The following SLA variants were observed in gnomAD, a reference collection of about 807,000 sequenced individuals.
SLA encodes src-like-adapter.
In SLA, 16 loss-of-function variants were observed where a neutral mutation model predicts 30.3. That is an observed-to-expected ratio of 0.53 (90% CI 0.36 to 0.80). SLA has a LOEUF of 0.80. Among genes scored for constraint, SLA ranks in the 30% least tolerant of loss-of-function variants. The pLI is 0.01. For missense variants in SLA, 310 were observed against 345.2 expected (o/e 0.90, Z 0.81); for synonymous variants, 143 against 137.8 (o/e 1.04, Z -0.26).
At chr8:133,099,027 C>A (rs1848852482) in intron 1 of SLA, among the ~76,000 whole-genome samples, 1 of 152,208 alleles carries the variant, frequency 6.6e-6, no homozygotes, top group South Asian at 2.1e-4. Context: ...CATTGAGCTT[C>A]CCTCTAAGGT....
chr8:133,057,022 A>G (rs1303647886), intron 3 of SLA, among the ~76,000 whole-genome samples: 2 of 152,124 alleles, frequency 1.3e-5, no homozygotes, highest in Non-Finnish European at 2.9e-5. Flanking sequence ...TGCGAAGACC[A>G]CTTACTGAGA....
intron 7 of SLA, among the ~76,000 whole-genome samples, chr8:133,044,419 T>G (rs115928087): frequency 0.01 from 1,535 of 152,262 alleles, 28 homozygotes; most frequent in African/African-American, 0.035. Flanking sequence ...ATGAATTAAA[T>G]GTAATTCTTA....
At chr8:133,052,597 C>T (rs564189549) in intron 3 of SLA, among the ~76,000 whole-genome samples, 1 of 152,330 alleles carries the variant, frequency 6.6e-6, no homozygotes, top group Admixed American at 6.5e-5. Context: ...AGCTTTGACT[C>T]CACCCCAGTA....
chr8:133,066,325 C>CAAAA (rs11395047), intron 2 of SLA, among the ~76,000 whole-genome samples: 18 of 87,000 alleles, frequency 2.1e-4, no homozygotes, highest in Non-Finnish European at 2.5e-4. Context: ...GACTCTGTCT[C>CAAAA]AAAAAAAAAA....
intron 7 of SLA, 152 bp from the exon 8 acceptor site, chr8:133,040,282 A>C: frequency 2.5e-6 from 2 of 800,232 alleles, no homozygotes; most frequent in Non-Finnish European, 3.9e-6. Flanking sequence ...GGTGGTGACA[A>C]TGCTGAAAGT....
chr8:133,094,653 A>G (rs1028380586), intron 1 of SLA: 1 of 323,006 alleles, frequency 3.1e-6, no homozygotes, highest in Non-Finnish European at 6.1e-6. Flanking sequence ...GGAGCCCCCC[A>G]GGAGGTGCTG....
chr8:133,076,777 AAAC>A (rs1165339578), intron 1 of SLA: 2 of 149,610 alleles, frequency 1.3e-5, no homozygotes, highest in South Asian at 2.1e-4. Flanking sequence ...AAAAAAAAAA[AAAC>A]AACTGCAAAA....
rs970119171 is a variant in SLA at position 133,037,220 on chromosome 8, C to T, written c.*1304G>A. The T allele has an allele frequency of 5.3e-5, 8 of 152,218 alleles. No homozygotes were observed. The highest frequency in any genetic ancestry group is 1.9e-4 in the African/African-American group (8 of 41,456). 9.4% of individuals were successfully genotyped at this position (152,218 alleles called of 1,614,324 possible). A position where few individuals can be genotyped will look rare whatever the true frequency, so the allele number is the denominator to read the frequency against. Reference sequence around the variant, plus strand: ...GTCACAGATTCATCTGCAGCCCACTCTCTTCCTAGTAGGATTTGGATGGGA... The same window carrying T: ...GTCACAGATTCATCTGCAGCCCACTTTCTTCCTAGTAGGATTTGGATGGGA... On this transcript the variant is annotated 3_prime_UTR_variant, in exon 9 of 9. Transcript: ENST00000338087.
intron 3 of SLA, 107 bp downstream of exon 3, chr8:133,059,993 T>C (rs1259760767): frequency 2.1e-5 from 23 of 1,114,142 alleles, no homozygotes; most frequent in Admixed American, 5.4e-5. Flanking sequence ...AGCCCTTCGG[T>C]ACCCATTGCC....
chr8:133,050,472 A>G, intron 4 of SLA: 1 of 257,590 alleles, frequency 3.9e-6, no homozygotes, highest in East Asian at 8.1e-5. Context: ...AAGGATTTCC[A>G]GACCCTGGGG....
chr8:133,078,443 C>T (rs1260456623), intron 1 of SLA, among the ~76,000 whole-genome samples: 1 of 152,242 alleles, frequency 6.6e-6, no homozygotes, highest in Non-Finnish European at 1.5e-5. Context: ...ACCACCCTAA[C>T]CATTCCTCTC....
intron 1 of SLA, among the ~76,000 whole-genome samples, chr8:133,078,451 C>G (rs73708833): frequency 0.028 from 4,316 of 152,320 alleles, 183 homozygotes; most frequent in African/African-American, 0.097. Context: ...AACCATTCCT[C>G]TCTCAACCAT....
chr8:133,084,525 T>G (rs565095035), intron 1 of SLA, among the ~76,000 whole-genome samples: 2 of 152,202 alleles, frequency 1.3e-5, no homozygotes, highest in Non-Finnish European at 2.9e-5. Flanking sequence ...GCCTGGGAAA[T>G]CAGAAATTTT....
At chr8:133,096,881 A>T (rs1402128056) in intron 1 of SLA, among the ~76,000 whole-genome samples, 1 of 152,232 alleles carries the variant, frequency 6.6e-6, no homozygotes. Context: ...TGCTGGAGGC[A>T]CAGTGAAGTG....
intron 3 of SLA, among the ~76,000 whole-genome samples, chr8:133,055,098 C>A (rs1841130466): frequency 6.6e-6 from 1 of 152,084 alleles, no homozygotes; most frequent in Non-Finnish European, 1.5e-5. Context: ...CTTCACGGAG[C>A]CACACGGCTC....
At chr8:133,080,984 G>A (rs1845659303) in intron 1 of SLA, among the ~76,000 whole-genome samples, 1 of 152,248 alleles carries the variant, frequency 6.6e-6, no homozygotes, top group Non-Finnish European at 1.5e-5. Context: ...ATTGCGTATT[G>A]GAGTAACGAG....
At chr8:133,073,884 C>A (rs1004771435) in intron 2 of SLA, among the ~76,000 whole-genome samples, 26 of 152,176 alleles carry the variant, frequency 1.7e-4, no homozygotes, top group African/African-American at 5.5e-4. Flanking sequence ...TTTTCAAAAG[C>A]AAATAACAAT....
intron 1 of SLA, chr8:133,095,078 G>T: frequency 1.2e-6 from 2 of 1,614,172 alleles, no homozygotes; most frequent in Non-Finnish European, 1.7e-6. Context: ...GCCGTCATCA[G>T]CCATGAGAGG....
At position 133,038,465 on chromosome 8, in the gene SLA, C is replaced by A; in HGVS notation, c.*59G>T. 7.3e-7 allele frequency: 1 copy of A among 1,375,368 alleles called. No homozygotes were observed. Among genetic ancestry groups the A allele is most frequent in the South Asian group, 1.2e-5 (1 of 85,770 alleles). 85.2% of individuals were successfully genotyped at this position (1,375,368 alleles called of 1,614,324 possible). A position where few individuals can be genotyped will look rare whatever the true frequency, so the allele number is the denominator to read the frequency against. ...AGGGAACCTCGCTTTTCGCAAGATC[C>A]CAGGCAATAGTTGGAACTTCTGTTC... On this transcript the variant is annotated 3_prime_UTR_variant, in exon 9 of 9. Transcript: ENST00000338087.
Sources: allele counts gnomAD v4.1 joint callset (sites outside exome capture counted in the v4.1 genomes callset), GRCh38; gene constraint gnomAD v4.1.1; transcripts MANE v1.5; gene names NCBI Gene and HGNC (gene_info 2026-07-23, HGNC 2026-07-21).